Variants in SCN9A observed in about 807,000 individuals in gnomAD.
SCN9A encodes the protein sodium voltage-gated channel alpha subunit 9.
A neutral mutation model predicts 187.0 loss-of-function variants in SCN9A; 131 were observed. That is an observed-to-expected ratio of 0.70 (90% CI 0.61 to 0.81). The LOEUF is 0.81. Among genes scored for constraint, SCN9A ranks in the 30% least tolerant of loss-of-function variants. The probability of loss-of-function intolerance (pLI) is 0.00; values close to 1 mark genes in which losing one functional copy is unlikely to be tolerated. For synonymous variants in SCN9A, 809 were observed against 808.6 expected, an observed-to-expected ratio of 1.00 and a Z score of -0.01; for missense variants, 2,252 against 2,396.6, an observed-to-expected ratio of 0.94 and a Z score of 1.26.
chr2:166,212,680 A>G (rs368968872), intron 24 of SCN9A, among the ~76,000 whole-genome samples: 1 of 152,212 alleles, frequency 6.6e-6, no homozygotes, highest in South Asian at 2.1e-4. Flanking sequence ...GCATCTTAAT[A>G]TACCATCTTT....
chr2:166,254,706 G>C (rs1382762964), intron 17 of SCN9A, among the ~76,000 whole-genome samples: 4 of 151,392 alleles, frequency 2.6e-5, no homozygotes, highest in African/African-American at 4.8e-5. Flanking sequence ...GACTATATTA[G>C]AGAAGTGAAA....
chr2:166,314,101 T>C (rs1574916471), intron 1 of SCN9A, among the ~76,000 whole-genome samples: 1 of 152,166 alleles, frequency 6.6e-6, no homozygotes, highest in Non-Finnish European at 1.5e-5. Context: ...TAGATCACCA[T>C]AACACATACA....
At chr2:166,341,202 A>G (rs1159655620) in intron 1 of SCN9A, among the ~76,000 whole-genome samples, 2 of 152,364 alleles carry the variant, frequency 1.3e-5, no homozygotes, top group East Asian at 3.9e-4. Flanking sequence ...TGGAAATTTC[A>G]CATTCAAGAA....
intron 24 of SCN9A, among the ~76,000 whole-genome samples, chr2:166,208,496 T>G (rs909169100): frequency 6.6e-6 from 1 of 151,702 alleles, no homozygotes; most frequent in Admixed American, 6.6e-5. Flanking sequence ...ATGAGGTTAT[T>G]GTTAACATTT....
chr2:166,354,604 T>A (rs1183354874), intron 1 of SCN9A, among the ~76,000 whole-genome samples: 4 of 152,192 alleles, frequency 2.6e-5, no homozygotes, highest in Admixed American at 2.6e-4. Flanking sequence ...AATTGCCAAA[T>A]CTTTGAACAT....
chr2:166,313,506 G>C (rs1042815092), intron 1 of SCN9A, among the ~76,000 whole-genome samples: 4 of 152,026 alleles, frequency 2.6e-5, no homozygotes, highest in Non-Finnish European at 2.9e-5. Context: ...ATCTCATGGG[G>C]TACCGTCTGC....
At chr2:166,291,979 C>T (rs569609596) in intron 9 of SCN9A, among the ~76,000 whole-genome samples, 1 of 152,212 alleles carries the variant, frequency 6.6e-6, no homozygotes, top group Admixed American at 6.5e-5. Context: ...TAGAAGAAAA[C>T]CTAGGCAACA....
chr2:166,290,111 C>A (rs1021205697), intron 9 of SCN9A, among the ~76,000 whole-genome samples: 1 of 152,030 alleles, frequency 6.6e-6, no homozygotes, highest in Admixed American at 6.6e-5. Flanking sequence ...GTTCCCCTCC[C>A]TGTGTCCATG....
intron 24 of SCN9A, among the ~76,000 whole-genome samples, chr2:166,225,098 AG>A (rs749735439): frequency 1.2e-4 from 18 of 152,194 alleles, no homozygotes; most frequent in Non-Finnish European, 2.1e-4. Context: ...ACTCTCAGGC[AG>A]GTTAAAACCT....
intron 1 of SCN9A, among the ~76,000 whole-genome samples, chr2:166,315,078 A>G (rs1217320611): frequency 6.6e-6 from 1 of 152,232 alleles, no homozygotes; most frequent in African/African-American, 2.4e-5. Context: ...AAGGAAACAA[A>G]TCAATGAATC....
intron 1 of SCN9A, among the ~76,000 whole-genome samples, chr2:166,367,541 G>A (rs1039469731): frequency 2.6e-5 from 4 of 152,006 alleles, no homozygotes; most frequent in African/African-American, 4.8e-5. Context: ...GCTGGATTAC[G>A]GGCGTAAGCC....
chr2:166,357,461 T>G (rs57275972), intron 1 of SCN9A, among the ~76,000 whole-genome samples: 1 of 152,116 alleles, frequency 6.6e-6, no homozygotes, highest in Non-Finnish European at 1.5e-5. Flanking sequence ...AGAACCAAGA[T>G]AGTTGACTAA....
intron 1 of SCN9A, among the ~76,000 whole-genome samples, chr2:166,368,849 A>T (rs1024108910): frequency 4.7e-5 from 7 of 149,370 alleles, no homozygotes; most frequent in Admixed American, 1.3e-4. Flanking sequence ...TAGCCAGGCG[A>T]GGTGGCTCAT....
chr2:166,235,447 G>C (rs1695274116), intron 20 of SCN9A, among the ~76,000 whole-genome samples: 1 of 152,076 alleles, frequency 6.6e-6, no homozygotes, highest in Non-Finnish European at 1.5e-5. Context: ...TCCATTCTCT[G>C]AGTAGCAAAT....
chr2:166,222,079 C>G (rs1694611721), intron 24 of SCN9A, among the ~76,000 whole-genome samples: 2 of 152,146 alleles, frequency 1.3e-5, no homozygotes, highest in Non-Finnish European at 1.5e-5. Context: ...TTGGCAATGA[C>G]TCCAAAATTC....
At chr2:166,202,257 AT>A (rs1415200629) in intron 26 of SCN9A, among the ~76,000 whole-genome samples, 25 of 150,948 alleles carry the variant, frequency 1.7e-4, no homozygotes, top group Admixed American at 1.6e-3. Context: ...ATAAGAGTAT[AT>A]GGTTATATGT....
At chr2:166,320,141 GA>G (rs968249839) in intron 1 of SCN9A, among the ~76,000 whole-genome samples, 1 of 151,956 alleles carries the variant, frequency 6.6e-6, no homozygotes, top group African/African-American at 2.4e-5. Flanking sequence ...GAAAATATCA[GA>G]AAAACTTTTT....
chr2:166,323,946 G>T (rs1030412933), intron 1 of SCN9A, among the ~76,000 whole-genome samples: 1 of 151,086 alleles, frequency 6.6e-6, no homozygotes, highest in East Asian at 2.0e-4. Flanking sequence ...CTTGATTAGA[G>T]GGACTATGAT....
At chr2:166,364,922 C>T (rs989163837) in intron 1 of SCN9A, among the ~76,000 whole-genome samples, 1 of 152,122 alleles carries the variant, frequency 6.6e-6, no homozygotes, top group African/African-American at 2.4e-5. Flanking sequence ...AACAAAATCA[C>T]AGCAGTTAGC....
Sources: allele counts gnomAD v4.1 joint callset (sites outside exome capture counted in the v4.1 genomes callset), GRCh38; gene constraint gnomAD v4.1.1; transcripts MANE v1.5; gene names NCBI Gene and HGNC (gene_info 2026-07-23, HGNC 2026-07-21).